The following JAM3 variants were observed in gnomAD, a reference collection of about 807,000 sequenced individuals.
JAM3 encodes junctional adhesion molecule 3, also known as junctional adhesion molecule C.
Under a neutral mutation model 39.4 loss-of-function variants are expected in JAM3, and 31 were observed. That is an observed-to-expected ratio of 0.79 (90% CI 0.59 to 1.06). The LOEUF is 1.06. Among genes scored for constraint, JAM3 ranks in the 50% least tolerant of loss-of-function variants. The pLI is 0.00. For synonymous variants in JAM3, 182 were observed against 148.7 expected (o/e 1.22, Z -1.63); for missense variants, 455 against 391.4 (o/e 1.16, Z -1.37).
At position 134,151,986 on chromosome 11, in the gene JAM3, C is replaced by T. The variant is rs954942722; in HGVS notation, c.*2805C>T. Reference sequence around the variant, plus strand: ...GATGGCAGTGGGCAGATCTCAGTGGCATCCCATCCCCCAAACCAACCAACG... The same window carrying T: ...GATGGCAGTGGGCAGATCTCAGTGGTATCCCATCCCCCAAACCAACCAACG... On this transcript the variant is annotated 3_prime_UTR_variant, in exon 9 of 9. Coordinates refer to ENST00000299106, the MANE Select transcript of JAM3 (RefSeq NM_032801.5). The T allele has an allele frequency of 6.6e-5, 10 of 152,314 alleles. No homozygotes were observed. The East Asian group carries it at 1.9e-3, about 29-fold the overall frequency. The allele number at this position is 152,314 out of a possible 1,614,324, so 9.4% of individuals were successfully genotyped here. A position where few individuals can be genotyped will look rare whatever the true frequency, so the allele number is the denominator to read the frequency against.
intron 3 of JAM3, among the ~76,000 whole-genome samples, chr11:134,141,672 G>A (rs971967202): frequency 1.3e-5 from 2 of 152,100 alleles, no homozygotes; most frequent in East Asian, 1.9e-4. Flanking sequence ...TGCAGAGTCC[G>A]GGAGAGGGCT....
chr11:134,135,255 C>T (rs1452886251), intron 1 of JAM3, among the ~76,000 whole-genome samples: 9 of 152,310 alleles, frequency 5.9e-5, no homozygotes, highest in Admixed American at 2.6e-4. Context: ...TTTCCCAGCA[C>T]TGTTGTTGGA....
In JAM3 at chr11:134,144,178, C is replaced by T. The variant is rs1032292257; in HGVS notation, c.257-63C>T. ...CATCTAGTGCTAGCCCCAGAAACCA[C>T]CCTCTTCAAGTGGCAAAGATTTCTT... On this transcript the variant is annotated intron_variant, in intron 3 of 8. Coordinates refer to ENST00000299106, the MANE Select transcript of JAM3 (RefSeq NM_032801.5). 12 of 1,579,892 alleles carry T rather than the reference C, an allele frequency of 7.6e-6. No homozygotes were observed. In the African/African-American group the frequency reaches 9.4e-5, roughly 12 times the overall value.
At chr11:134,146,294 C>T (rs1311816832) in intron 6 of JAM3, among the ~76,000 whole-genome samples, 2 of 152,162 alleles carry the variant, frequency 1.3e-5, no homozygotes, top group South Asian at 4.1e-4. Context: ...AGCCTTGCAA[C>T]TTTCACTGCA....
At chr11:134,134,885 A>G (rs758883457) in intron 1 of JAM3, among the ~76,000 whole-genome samples, 2 of 152,130 alleles carry the variant, frequency 1.3e-5, no homozygotes, top group Non-Finnish European at 2.9e-5. Flanking sequence ...AGTTCTTTAT[A>G]TATTGTGGAT....
rs1265802181 is a variant in JAM3, at chr11:134,149,643, C to A, written c.*462C>A. ...AACCCAGAAAAGGCTTCTTACACAG[C>A]AGCCTTACTTCATCGGCCCACAGAC... On this transcript the variant is annotated 3_prime_UTR_variant, in exon 9 of 9. Coordinates refer to ENST00000299106, the MANE Select transcript of JAM3 (RefSeq NM_032801.5). 6 of 459,072 alleles carry A rather than the reference C, an allele frequency of 1.3e-5. No homozygotes were observed. Among genetic ancestry groups the A allele is most frequent in the South Asian group, 9.3e-5 (6 of 64,612 alleles). The allele number at this position is 459,072 out of a possible 1,614,324, so 28.4% of individuals were successfully genotyped here. A position where few individuals can be genotyped will look rare whatever the true frequency, so the allele number is the denominator to read the frequency against.
intron 1 of JAM3, among the ~76,000 whole-genome samples, chr11:134,121,818 T>TGC (rs56410711): frequency 0.13 from 14,903 of 118,298 alleles, 875 homozygotes; most frequent in Admixed American, 0.15. Flanking sequence ...CGTGCATGTG[T>TGC]GCGCACACAC....
At chr11:134,095,730 G>C (rs192430725) in intron 1 of JAM3, among the ~76,000 whole-genome samples, 1 of 152,090 alleles carries the variant, frequency 6.6e-6, no homozygotes, top group East Asian at 1.9e-4. Context: ...ACTCAGTTAC[G>C]AGTGTGCTGT....
rs181808556 is a variant in JAM3 at position 134,129,299 on chromosome 11, G to C, written c.77-10552G>C. On this transcript the variant is annotated intron_variant, in intron 1 of 8. Transcript: ENST00000299106. ...GCCTGGCTAATTTTTTGTATTTTTA[G>C]TAGAGATGGGGTTTCACAGTGTTAG... 3.3e-5 allele frequency among the ~76,000 whole-genome samples: 5 copies of C among 152,090 alleles called. No homozygotes were observed. In the East Asian group the frequency reaches 9.7e-4, roughly 30 times the overall value.
chr11:134,124,852 C>G (rs1473304551), intron 1 of JAM3, among the ~76,000 whole-genome samples: 3 of 152,250 alleles, frequency 2.0e-5, no homozygotes, highest in Non-Finnish European at 4.4e-5. Context: ...AGTCTGCCCT[C>G]ACACTCAGAA....
chr11:134,088,938 T>A (rs1941794079), intron 1 of JAM3, among the ~76,000 whole-genome samples: 1 of 152,158 alleles, frequency 6.6e-6, no homozygotes, highest in Non-Finnish European at 1.5e-5. Context: ...TACAGGCACT[T>A]GCCACCACGT....
At chr11:134,122,378 C>T (rs553717464) in intron 1 of JAM3, among the ~76,000 whole-genome samples, 76 of 152,320 alleles carry the variant, frequency 5.0e-4, no homozygotes, top group African/African-American at 1.7e-3. Flanking sequence ...AGTGCAAGAG[C>T]CCCTGATGGT....
chr11:134,113,758 G>T (rs1270880929), intron 1 of JAM3, among the ~76,000 whole-genome samples: 1 of 152,196 alleles, frequency 6.6e-6, no homozygotes, highest in Admixed American at 6.5e-5. Flanking sequence ...GATCCCTGAG[G>T]AATCGCCACA....
intron 1 of JAM3, chr11:134,124,149 A>C: frequency 1.4e-6 from 2 of 1,462,666 alleles, no homozygotes; most frequent in Non-Finnish European, 1.9e-6. Flanking sequence ...TAGAAGGTGG[A>C]TTCCTTCTTT....
At chr11:134,122,825 C>T (rs1180106349) in intron 1 of JAM3, among the ~76,000 whole-genome samples, 3 of 152,220 alleles carry the variant, frequency 2.0e-5, no homozygotes, top group South Asian at 2.1e-4. Flanking sequence ...AAGCTACCAG[C>T]ATTCTCTGAT....
In JAM3 at chr11:134,108,769, A is replaced by C. The variant is rs533427415; in HGVS notation, c.77-31082A>C. On this transcript the variant is annotated intron_variant, in intron 1 of 8. Transcript: ENST00000299106. ...CATTTATGATAAAAAAAACTTTTGG[A>C]ATAGGAAGGAACTTCCTGAGACAGA... Among the ~76,000 whole-genome samples, 4 of 152,340 alleles carry C rather than the reference A, an allele frequency of 2.6e-5. No homozygotes were observed. In the East Asian group the frequency reaches 5.8e-4, roughly 22 times the overall value.
intron 1 of JAM3, among the ~76,000 whole-genome samples, chr11:134,092,311 C>A (rs11223686): frequency 6.7e-6 from 1 of 149,252 alleles, no homozygotes; most frequent in African/African-American, 2.5e-5. Context: ...TTAAACGTCA[C>A]TTCCTGAGGG....
intron 1 of JAM3, among the ~76,000 whole-genome samples, chr11:134,087,641 T>C (rs1326801739): frequency 6.6e-6 from 1 of 152,208 alleles, no homozygotes; most frequent in Non-Finnish European, 1.5e-5. Flanking sequence ...AAGAACTGTC[T>C]TAGAGGCCAA....
rs188526785 is a variant in JAM3, at chr11:134,107,404, C to T, written c.77-32447C>T. On this transcript the variant is annotated intron_variant, in intron 1 of 8. Transcript: ENST00000299106. ...GTAAATGACGAGTTAATGGGTGCAG[C>T]ACACCAACATGGCACATGTATACAT... 3.9e-5 allele frequency among the ~76,000 whole-genome samples: 6 copies of T among 152,088 alleles called. No homozygotes were observed. The East Asian group carries it at 1.2e-3, about 29-fold the overall frequency.
Sources: allele counts gnomAD v4.1 joint callset (sites outside exome capture counted in the v4.1 genomes callset), GRCh38; gene constraint gnomAD v4.1.1; transcripts MANE v1.5; gene names NCBI Gene and HGNC (gene_info 2026-07-23, HGNC 2026-07-21).